SLC9B1: variants seen among roughly 807,000 people sequenced by gnomAD.
SLC9B1 encodes sodium/hydrogen exchanger 9B1.
Under a neutral mutation model 51.7 loss-of-function variants are expected in SLC9B1, and 32 were observed. The observed-to-expected ratio is 0.62, with a 90% CI of 0.47 to 0.83. SLC9B1 has a LOEUF of 0.83. Among genes scored for constraint, SLC9B1 ranks in the 40% least tolerant of loss-of-function variants. SLC9B1 has a pLI of 0.00. For synonymous variants in SLC9B1, 145 were observed against 212.7 expected, an observed-to-expected ratio of 0.68 and a Z score of 2.77; for missense variants, 406 against 613.2, an observed-to-expected ratio of 0.66 and a Z score of 3.57.
Position 102,932,187 on chromosome 4 carries a change from T to G in SLC9B1, c.766A>C (p.Ser256Arg), listed in dbSNP as rs376143922. ...GIPTLLMAAS[S>R]MDDILAITGF... ...GTGATAGCCAGAATGTCATCCATAC[T>G]GCTAGCAGCCATTAATAAGGTTGGA... The change falls in exon 7 of 12, where the codon AGT (serine) becomes CGT (arginine). Residue 256 changes from serine to arginine, a missense_variant. Physicochemically the swap from Ser to Arg is moderately radical, Grantham distance 110 (BLOSUM62 -1). This residue lies in a region of SLC9B1 where 250 missense variants were observed against 394.1 expected (regional missense o/e 0.63). Transcript: ENST00000296422. 2 of 1,611,982 alleles carry G rather than the reference T, an allele frequency of 1.2e-6. No homozygotes were observed. The highest frequency in any genetic ancestry group is 1.7e-6 in the Non-Finnish European group (2 of 1,179,800).
At chr4:102,931,366 G>A (rs562122954) in intron 7 of SLC9B1, among the ~76,000 whole-genome samples, 1 of 151,896 alleles carries the variant, frequency 6.6e-6, no homozygotes, top group East Asian at 1.9e-4. Flanking sequence ...GAATATGGGT[G>A]GATTTATATC....
At chr4:102,941,868 G>C in intron 6 of SLC9B1, among the ~76,000 whole-genome samples, 1 of 151,906 alleles carries the variant, frequency 6.6e-6, no homozygotes, top group East Asian at 1.9e-4. Context: ...AAGTCAAACT[G>C]TTGCTATTCA....
At position 102,893,281 on chromosome 4, in the gene SLC9B1, CAAAAA is replaced by C. The variant is rs58316456; in HGVS notation, c.1333-7958_1333-7954del. ...TGGGCCACAGAGCAAGACTCCATCTCAAAAAAAAAAAAAAAAAAAAAAAAGAAAAA... is the reference window on the plus strand; with the variant it reads ...TGGGCCACAGAGCAAGACTCCATCTCAAAAAAAAAAAAAAAAAAAGAAAAA... On this transcript the variant is annotated intron_variant, in intron 11 of 11. Transcript: ENST00000394789. Among the ~76,000 whole-genome samples, 12 of 35,168 alleles carry C rather than the reference CAAAAA, an allele frequency of 3.4e-4. No homozygotes were observed. The East Asian group carries it at 6.5e-3, about 19-fold the overall frequency. 23.1% of individuals were successfully genotyped at this position (35,168 alleles called of 152,430 possible). A position where few individuals can be genotyped will look rare whatever the true frequency, so the allele number is the denominator to read the frequency against.
At chr4:102,885,843 C>A (rs1377392637) in intron 11 of SLC9B1, among the ~76,000 whole-genome samples, 1 of 152,178 alleles carries the variant, frequency 6.6e-6, no homozygotes, top group African/African-American at 2.4e-5. Context: ...TAACCTGATA[C>A]ATCCACATTA....
intron 6 of SLC9B1, among the ~76,000 whole-genome samples, chr4:102,937,034 C>A (rs1262837596): frequency 1.3e-5 from 2 of 152,028 alleles, no homozygotes; most frequent in African/African-American, 4.8e-5. Flanking sequence ...AAAGGGAATC[C>A]CATCAGGCTA....
At chr4:102,963,716 A>G (rs1404915120) in intron 3 of SLC9B1, among the ~76,000 whole-genome samples, 2 of 152,218 alleles carry the variant, frequency 1.3e-5, no homozygotes, top group African/African-American at 4.8e-5. Context: ...AGTGGTATAA[A>G]TCCTTTTCCC....
chr4:103,018,990 A>G (rs1378306628), intron 1 of SLC9B1, among the ~76,000 whole-genome samples: 2 of 152,194 alleles, frequency 1.3e-5, no homozygotes, highest in African/African-American at 4.8e-5. Context: ...AAGAGAATCT[A>G]ATGCCTGATG....
rs369585401 is a variant in SLC9B1, at chr4:103,016,403, C to T, written c.-2+3196G>A. 8.5e-5 allele frequency among the ~76,000 whole-genome samples: 13 copies of T among 152,186 alleles called. No homozygotes were observed. In the East Asian group the frequency reaches 2.5e-3, roughly 29 times the overall value. On this transcript the variant is annotated intron_variant, in intron 1 of 11. Coordinates refer to ENST00000296422, the MANE Select transcript of SLC9B1 (RefSeq NM_139173.4). ...TTACCTCCATTTCTTGGCTCTCTTT[C>T]ATAGTAAAACATCTTGAGATGTCTA... is the stretch of plus-strand genomic sequence containing the variant.
At chr4:103,000,790 C>A (rs1000392197) in intron 1 of SLC9B1, among the ~76,000 whole-genome samples, 2 of 152,124 alleles carry the variant, frequency 1.3e-5, no homozygotes, top group African/African-American at 4.8e-5. Context: ...GAGTGTCTGC[C>A]GACATTACAG....
chr4:102,979,855 G>A (rs1739264329), intron 3 of SLC9B1, among the ~76,000 whole-genome samples: 1 of 151,844 alleles, frequency 6.6e-6, no homozygotes, highest in Admixed American at 6.6e-5. Flanking sequence ...TCTGATAAAG[G>A]TCTAATATCC....
intron 6 of SLC9B1, among the ~76,000 whole-genome samples, chr4:102,937,412 TAA>T (rs754801733): frequency 0.39 from 17,129 of 44,358 alleles, 2,569 homozygotes; most frequent in African/African-American, 0.5. Flanking sequence ...TCAGCATTCT[TAA>T]AAAAAAAAAA....
Position 103,018,900 on chromosome 4 carries a change from G to C in SLC9B1, c.-2+699C>G, listed in dbSNP as rs79920530. ...GCCTGAGCTCCAGCTCCTGTCAGAT[G>C]AGCAAAGGCATTAGATTCTCATAGG... On this transcript the variant is annotated intron_variant, in intron 1 of 11. Transcript: ENST00000296422. 3.2e-3 allele frequency among the ~76,000 whole-genome samples: 489 copies of C among 152,316 alleles called. 5 individuals carry two copies. The highest frequency in any genetic ancestry group is 0.017 in the Middle Eastern group (5 of 294).
intron 8 of SLC9B1, among the ~76,000 whole-genome samples, 183 bp downstream of exon 8, chr4:102,911,248 T>A (rs1374853140): frequency 1.3e-5 from 2 of 152,212 alleles, no homozygotes; most frequent in Non-Finnish European, 1.5e-5. Flanking sequence ...AAGCAGAGAC[T>A]TTAATCAAAG....
At position 102,910,648 on chromosome 4, in the gene SLC9B1, C is replaced by T. The variant is rs1735294353; in HGVS notation, c.937-60G>A. The T allele has an allele frequency of 3.9e-6, 3 of 774,868 alleles. No homozygotes were observed. In the East Asian group the frequency reaches 1.2e-4, roughly 31 times the overall value. 48.0% of individuals were successfully genotyped at this position (774,868 alleles called of 1,614,324 possible). A position where few individuals can be genotyped will look rare whatever the true frequency, so the allele number is the denominator to read the frequency against. On this transcript the variant is annotated intron_variant, in intron 8 of 11. Transcript: ENST00000296422. ...ATTAAATATATAATATAAGATTTGACATTATCTATTATATATTTTTGACCC... is the reference window on the plus strand; with the variant it reads ...ATTAAATATATAATATAAGATTTGATATTATCTATTATATATTTTTGACCC...
chr4:103,008,934 G>A (rs983189062), intron 1 of SLC9B1, among the ~76,000 whole-genome samples: 1 of 151,878 alleles, frequency 6.6e-6, no homozygotes, highest in African/African-American at 2.4e-5. Flanking sequence ...CGAGCAGCTG[G>A]GACTACGGGC....
downstream of SLC9B1, among the ~76,000 whole-genome samples, chr4:102,895,935 A>C (rs539396030): frequency 6.6e-6 from 1 of 152,346 alleles, no homozygotes; most frequent in East Asian, 1.9e-4. Context: ...GAGACCCATT[A>C]GCTCAAAAGC....
At chr4:102,986,267 T>TC (rs1553910651) in intron 3 of SLC9B1, among the ~76,000 whole-genome samples, 2 of 33,918 alleles carry the variant, frequency 5.9e-5, no homozygotes, top group Admixed American at 3.2e-4. Context: ...TTTTTTTTTT[T>TC]CTCTCTCTCA....
intron 3 of SLC9B1, among the ~76,000 whole-genome samples, chr4:102,974,194 GCCACT>G (rs1738912757): frequency 7.4e-6 from 1 of 134,794 alleles, no homozygotes; most frequent in African/African-American, 2.8e-5. Context: ...CCGAGATTGG[GCCACT>G]GCATTCCAGC....
chr4:102,965,765 C>T (rs1738387862), intron 3 of SLC9B1, among the ~76,000 whole-genome samples: 1 of 146,832 alleles, frequency 6.8e-6, no homozygotes, highest in South Asian at 2.2e-4. Flanking sequence ...TTCCTCCTAG[C>T]TATGAGCCTG....
Sources: gnomAD v4.1 joint callset for allele counts (sites outside exome capture counted in the v4.1 genomes callset) on GRCh38, gnomAD v4.1.1 for gene constraint, gnomAD v4.1.1 regional missense constraint, MANE v1.5 for transcripts, NCBI Gene and HGNC (gene_info 2026-07-23, HGNC 2026-07-21) for gene names.